Variants in GABARAPL1 observed in about 807,000 individuals in gnomAD.
The protein encoded by GABARAPL1 is gamma-aminobutyric acid receptor-associated protein-like 1.
In GABARAPL1, 4 loss-of-function variants were observed where a neutral mutation model predicts 14.5. The ratio of observed to expected loss-of-function variants is 0.28; its 90% confidence interval spans 0.14 to 0.63. GABARAPL1 has a LOEUF of 0.63. Ranked by LOEUF, GABARAPL1 falls within the 30% of genes least tolerant of loss-of-function variation. GABARAPL1 has a pLI of 0.84. For missense variants in GABARAPL1, 82 were observed against 139.2 expected (o/e 0.59, Z 2.07); for synonymous variants, 47 against 50.6 (o/e 0.93, Z 0.30).
Position 10,221,967 on chromosome 12 carries a change from C to A in GABARAPL1, c.*115C>A. 1.2e-6 allele frequency: 1 copy of A among 808,636 alleles called. No homozygotes were observed. 50.1% of individuals were successfully genotyped at this position (808,636 alleles called of 1,614,324 possible). On this transcript the variant is annotated 3_prime_UTR_variant, in exon 4 of 4. Coordinates refer to ENST00000266458, the MANE Select transcript of GABARAPL1 (RefSeq NM_031412.4). ...ACCGCAAGGAGACAGAAGGTGAAGA[C>A]ATCTAGAAACATTACACCACACACA... is the stretch of plus-strand genomic sequence containing the variant.
chr12:10,213,953 G>A, intron 1 of GABARAPL1: 2 of 447,592 alleles, frequency 4.5e-6, no homozygotes, highest in Non-Finnish European at 9.0e-6. Context: ...ACCGGCTTAA[G>A]TAGTTAAAAC....
intron 1 of GABARAPL1, chr12:10,214,765 CTG>C (rs1949078616): frequency 6.6e-6 from 1 of 152,168 alleles, no homozygotes; most frequent in Non-Finnish European, 1.5e-5. Flanking sequence ...GTCTGAAGGA[CTG>C]TGGAGCTCTC....
intron 2 of GABARAPL1, 68 bp downstream of exon 2, chr12:10,218,209 T>C (rs1480732960): frequency 1.2e-5 from 10 of 857,686 alleles, no homozygotes; most frequent in Non-Finnish European, 2.0e-5. Context: ...ATTACATGCA[T>C]GAGATTGTGA....
In GABARAPL1 at chr12:10,222,523, G is replaced by C. The variant is rs927145990; in HGVS notation, c.*671G>C. On this transcript the variant is annotated 3_prime_UTR_variant, in exon 4 of 4. Coordinates refer to ENST00000266458, the MANE Select transcript of GABARAPL1 (RefSeq NM_031412.4). ...TGGTTGTGATTAAGAAGATGGTTTTGTTATTAAATAGCATTAAACTGGAAT... is the reference window on the plus strand; with the variant it reads ...TGGTTGTGATTAAGAAGATGGTTTTCTTATTAAATAGCATTAAACTGGAAT... 1.3e-5 allele frequency: 2 copies of C among 152,796 alleles called. No individual in the cohort carries two copies. The highest frequency in any genetic ancestry group is 4.8e-5 in the African/African-American group (2 of 41,448). 9.5% of individuals were successfully genotyped at this position (152,796 alleles called of 1,614,324 possible).
intron 1 of GABARAPL1, among the ~76,000 whole-genome samples, chr12:10,216,371 C>CA (rs377688130): frequency 2.1e-5 from 3 of 144,986 alleles, no homozygotes; most frequent in Non-Finnish European, 1.5e-5. Context: ...CACTCGACCT[C>CA]AAAAAAAAAA....
At chr12:10,220,403 A>C (rs755128970) in intron 2 of GABARAPL1, 37 bp from the exon 3 acceptor site, 1 of 1,610,792 alleles carries the variant, frequency 6.2e-7, no homozygotes, top group South Asian at 1.1e-5. Context: ...TTGTTTTCTT[A>C]CTTTCTTTTC....
intron 2 of GABARAPL1, among the ~76,000 whole-genome samples, chr12:10,218,349 G>A (rs1216499133): frequency 1.3e-5 from 2 of 152,144 alleles, no homozygotes; most frequent in Non-Finnish European, 2.9e-5. Context: ...TGAGGCGGGT[G>A]GATCATGAGG....
intron 1 of GABARAPL1, chr12:10,214,103 T>C (rs1949074413): frequency 3.4e-6 from 1 of 291,056 alleles, no homozygotes; most frequent in Non-Finnish European, 7.1e-6. Flanking sequence ...GGGCAGAATA[T>C]GGCTTAAGTG....
chr12:10,217,242 T>A (rs975736277), intron 1 of GABARAPL1, among the ~76,000 whole-genome samples: 1 of 152,224 alleles, frequency 6.6e-6, no homozygotes, highest in Non-Finnish European at 1.5e-5. Context: ...TTATAGGATA[T>A]CATTGTCAGA....
Position 10,213,152 on chromosome 12 carries a change from A to C in GABARAPL1, c.23A>C (p.Asp8Ala). 1 of 1,588,162 alleles carries C rather than the reference A, an allele frequency of 6.3e-7. No homozygotes were observed. The highest frequency in any genetic ancestry group is 8.6e-7 in the Non-Finnish European group (1 of 1,167,228). Residue 8 changes from aspartate (D) to alanine (A), a missense_variant, in exon 1 of 4, where the codon GAC becomes GCC. By Grantham distance (126) the Asp-to-Ala change is moderately radical (BLOSUM62 -2). Coordinates refer to ENST00000266458, the MANE Select transcript of GABARAPL1 (RefSeq NM_031412.4). ...ATCATGAAGTTCCAGTACAAGGAGG[A>C]CCATCCCTTTGAGTATCGGAAAAAG... MKFQYKEDHPFEYRKKEG... is the reference protein window; with the variant it reads MKFQYKEAHPFEYRKKEG...
chr12:10,219,984 C>G (rs1389901451), intron 2 of GABARAPL1, among the ~76,000 whole-genome samples: 1 of 152,114 alleles, frequency 6.6e-6, no homozygotes, highest in Non-Finnish European at 1.5e-5. Flanking sequence ...TTGTTTAATG[C>G]CCCAACACTG....
intron 2 of GABARAPL1, among the ~76,000 whole-genome samples, chr12:10,219,929 C>T (rs1051316454): frequency 6.6e-6 from 1 of 152,186 alleles, no homozygotes; most frequent in African/African-American, 2.4e-5. Context: ...TATCAGCCAT[C>T]TAGAAAATTT....
At chr12:10,221,173 G>T in intron 3 of GABARAPL1, 1 of 972,754 alleles carries the variant, frequency 1.0e-6, no homozygotes, top group Non-Finnish European at 1.2e-6. Context: ...TGGGCACAAT[G>T]AATCAGATAA....
At chr12:10,220,799 A>C in intron 3 of GABARAPL1, 1 of 1,452,022 alleles carries the variant, frequency 6.9e-7, no homozygotes, top group South Asian at 1.4e-5. Context: ...GTCTTGTCTG[A>C]CTATAGTGTT....
intron 2 of GABARAPL1, among the ~76,000 whole-genome samples, chr12:10,219,326 CA>C (rs199887207): frequency 0.015 from 1,491 of 100,574 alleles, 37 homozygotes; most frequent in African/African-American, 0.039. Flanking sequence ...CTCAAAAAAA[CA>C]AAAAACAAAA....
chr12:10,215,859 C>T lies in GABARAPL1; in HGVS notation c.91-2204C>T, dbSNP rs114386642. On this transcript the variant is annotated intron_variant, in intron 1 of 3. Coordinates refer to ENST00000266458, the MANE Select transcript of GABARAPL1 (RefSeq NM_031412.4). Reference sequence around the variant, plus strand: ...GTTCAGGATTTTTTCTACAAGAACACAAAACAACTTTTTGTTTTGTTTTGT... The same window carrying T: ...GTTCAGGATTTTTTCTACAAGAACATAAAACAACTTTTTGTTTTGTTTTGT... Among the ~76,000 whole-genome samples, 1,049 of 151,114 alleles carry T rather than the reference C, an allele frequency of 6.9e-3. 3 individuals are homozygous for T. Among genetic ancestry groups the T allele is most frequent in the African/African-American group, 0.024 (985 of 41,222 alleles).
intron 2 of GABARAPL1, among the ~76,000 whole-genome samples, chr12:10,219,489 T>C (rs887425430): frequency 2.0e-5 from 3 of 152,140 alleles, no homozygotes; most frequent in Non-Finnish European, 4.4e-5. Flanking sequence ...GTTTTGTAGA[T>C]TTTGTTTGAG....
intron 3 of GABARAPL1, 175 bp from the exon 4 acceptor site, chr12:10,221,612 G>C (rs1949120617): frequency 2.0e-6 from 1 of 494,488 alleles, no homozygotes; most frequent in Admixed American, 6.4e-5. Context: ...ATTTTTGTTT[G>C]TGAACTCAGA....
chr12:10,218,202 A>G, intron 2 of GABARAPL1, 61 bp downstream of exon 2: 1 of 921,126 alleles, frequency 1.1e-6, no homozygotes, highest in East Asian at 2.4e-5. Flanking sequence ...GATCCTCATT[A>G]CATGCATGAG....
Sources: gnomAD v4.1 joint callset for allele counts (sites outside exome capture counted in the v4.1 genomes callset) on GRCh38, gnomAD v4.1.1 for gene constraint, MANE v1.5 for transcripts, NCBI Gene and HGNC (gene_info 2026-07-23, HGNC 2026-07-21) for gene names.